Variants in SLC35E2B observed in about 807,000 individuals in gnomAD.
The protein encoded by SLC35E2B is solute carrier family 35, member E2B.
Under a neutral mutation model 32.4 loss-of-function variants are expected in SLC35E2B, and 18 were observed. The observed-to-expected ratio is 0.56, with a 90% confidence interval of 0.38 to 0.82. The LOEUF (loss-of-function observed/expected upper bound fraction) is 0.82, where lower values mean the gene tolerates loss of function less well. Ranked by LOEUF, SLC35E2B falls within the 40% of genes least tolerant of loss-of-function variation. The probability of loss-of-function intolerance (pLI) is 0.00; values close to 1 mark genes in which losing one functional copy is unlikely to be tolerated. For missense variants in SLC35E2B, 263 were observed against 469.5 expected (o/e 0.56, Z 4.06); for synonymous variants, 132 against 209.1 (o/e 0.63, Z 3.18).
rs149710826 is a variant in SLC35E2B at position 1,666,497 on chromosome 1, A to G, written c.981-478T>C. ...CACCTGGGCCTCCCACAGAGCTGGG[A>G]TCATAGGCGTGAGCCACCACACCCA... On this transcript the variant is annotated intron_variant, in intron 9 of 9. Coordinates refer to ENST00000617444, the MANE Select transcript of SLC35E2B (RefSeq NM_001290264.2). 1.1e-3 allele frequency among the ~76,000 whole-genome samples: 161 copies of G among 152,266 alleles called. 1 individual carries two copies. Among genetic ancestry groups the G allele is most frequent in the African/African-American group, 3.6e-3 (151 of 41,564 alleles).
chr1:1,663,585 C>A lies in SLC35E2B; in HGVS notation c.*2197G>T. The A allele has an allele frequency of 3.3e-6, 1 of 300,748 alleles. No individual in the cohort carries two copies. Among genetic ancestry groups the A allele is most frequent in the Non-Finnish European group, 4.9e-6 (1 of 203,260 alleles). The allele number at this position is 300,748 out of a possible 1,614,324, so 18.6% of individuals were successfully genotyped here. A position where few individuals can be genotyped will look rare whatever the true frequency, so the allele number is the denominator to read the frequency against. On this transcript the variant is annotated 3_prime_UTR_variant, in exon 10 of 10. Transcript: ENST00000617444. ...TCCGGGGTTCAAACAATTCTCCTGC[C>A]TCAGCCTCCTGAGTATCTGGGATTA...
rs1643428809 is a variant in SLC35E2B at position 1,662,420 on chromosome 1, G to A, written c.*3362C>T. On this transcript the variant is annotated 3_prime_UTR_variant, in exon 10 of 10. Transcript: ENST00000617444. ...CTGTTATTCCCACTGACCCGTCTGA[G>A]TGATCACCCAGGAGCGCGGCGGCAG... is the stretch of plus-strand genomic sequence containing the variant. The A allele has an allele frequency of 1.6e-5, 14 of 869,770 alleles. 1 individual carries two copies. The highest frequency in any genetic ancestry group is 1.9e-5 in the Non-Finnish European group (14 of 733,628). The allele number at this position is 869,770 out of a possible 1,614,324, so 53.9% of individuals were successfully genotyped here. A position where few individuals can be genotyped will look rare whatever the true frequency, so the allele number is the denominator to read the frequency against.
chr1:1,691,251 A>ACC lies in SLC35E2B; in HGVS notation c.-424_-423insGG, dbSNP rs1361188018. The stretch of plus-strand genomic sequence containing the variant: ...TCTCCACAGGACGCCCCACAGCCTG[A>ACC]CAGGAGCTTTCATCCAGCAAGCTCA... On this transcript the variant is annotated 5_prime_UTR_variant, in exon 2 of 10. An upstream open reading frame in the 5' UTR gains an earlier in-frame stop. Coordinates refer to ENST00000617444, the MANE Select transcript of SLC35E2B (RefSeq NM_001290264.2). 2 of 145,898 alleles carry ACC rather than the reference A, an allele frequency of 1.4e-5. No individual in the cohort carries two copies. Among genetic ancestry groups the ACC allele is most frequent in the African/African-American group, 5.1e-5 (2 of 39,046 alleles). The allele number at this position is 145,898 out of a possible 1,614,324, so 9.0% of individuals were successfully genotyped here. A position where few individuals can be genotyped will look rare whatever the true frequency, so the allele number is the denominator to read the frequency against.
rs573823858 is a variant in SLC35E2B, at chr1:1,688,983, AAC to A, written c.-148+1991_-148+1992del. On this transcript the variant is annotated intron_variant, in intron 2 of 9. Transcript: ENST00000617444. ...TCAGGAGATTGAGACCATCCTGGCT[AAC>A]ACAGTGAAACCCCGTCTCTACCAAA... Among the ~76,000 whole-genome samples, 825 of 152,088 alleles carry A rather than the reference AAC, an allele frequency of 5.4e-3. 15 individuals carry two copies. The highest frequency in any genetic ancestry group is 0.019 in the African/African-American group (800 of 41,450).
Position 1,680,123 on chromosome 1 carries a change from G to A in SLC35E2B, c.-147-3277C>T, listed in dbSNP as rs28405817. ...GCCTGGGCAACAAGAGTGAAACTCC[G>A]TCTCAAAAAAAAAAAATTTTTTTTT... On this transcript the variant is annotated intron_variant, in intron 2 of 9. Transcript: ENST00000617444. Among the ~76,000 whole-genome samples the A allele has an allele frequency of 1.2e-3, 176 of 150,922 alleles. 3 individuals carry two copies. The highest frequency in any genetic ancestry group is 3.5e-3 in the African/African-American group (144 of 41,052).
intron 2 of SLC35E2B, among the ~76,000 whole-genome samples, chr1:1,686,497 A>C (rs567292415): frequency 5.3e-5 from 8 of 151,998 alleles, no homozygotes; most frequent in African/African-American, 1.9e-4. Context: ...AAAATGAAAA[A>C]AAGAGGCTGG....
chr1:1,669,687 C>A lies in SLC35E2B; in HGVS notation c.811G>T (p.Val271Phe), dbSNP rs527702193. 54 of 1,531,292 alleles carry A rather than the reference C, an allele frequency of 3.5e-5. 2 individuals carry two copies. The highest frequency in any genetic ancestry group is 1.6e-4 in the Admixed American group (8 of 50,630). 94.9% of individuals were successfully genotyped at this position (1,531,292 alleles called of 1,614,324 possible). The change falls in exon 8 of 10, where the codon GTC becomes TTC. Residue 271 changes from valine to phenylalanine, a missense_variant. Val to Phe is a conservative substitution (Grantham distance 50). This residue lies in a region of SLC35E2B where 129 missense variants were observed against 164.5 expected (regional missense o/e 0.78). Transcript: ENST00000617444. ...ACCGTAAAGAAAACCCGGGCCGGGACGAGCATGGCCACCGCAGCGGCGCTG... is the reference window on the plus strand; with the variant it reads ...ACCGTAAAGAAAACCCGGGCCGGGAAGAGCATGGCCACCGCAGCGGCGCTG... ...YTSAAAVAML[V>F]PARVFFTDVP... is the part of the protein sequence containing the mutation.
At chr1:1,680,562 A>C (rs556671731) in intron 2 of SLC35E2B, among the ~76,000 whole-genome samples, 1 of 152,084 alleles carries the variant, frequency 6.6e-6, no homozygotes, top group Admixed American at 6.5e-5. Flanking sequence ...CGTCACACCG[A>C]CCTGTGCTCC....
rs532843946 is a variant in SLC35E2B, at chr1:1,666,139, G to A, written c.981-120C>T. The A allele has an allele frequency of 1.2e-4, 145 of 1,199,202 alleles. No homozygotes were observed. The African/African-American group carries it at 1.7e-3, about 14-fold the overall frequency. The allele number at this position is 1,199,202 out of a possible 1,614,324, so 74.3% of individuals were successfully genotyped here. On this transcript the variant is annotated intron_variant, in intron 9 of 9. Transcript: ENST00000617444. Reference sequence around the variant, plus strand: ...GTGGGGTTGGGGGACTCAGCGTCACGGTGACATCAGCCCTGCGGCCAGCAG... The same window carrying A: ...GTGGGGTTGGGGGACTCAGCGTCACAGTGACATCAGCCCTGCGGCCAGCAG...
At chr1:1,669,503 AC>A (rs1014583466) in intron 8 of SLC35E2B, among the ~76,000 whole-genome samples, 160 bp downstream of exon 8, 1 of 152,212 alleles carries the variant, frequency 6.6e-6, no homozygotes, top group African/African-American at 2.4e-5. Flanking sequence ...TGAGCTGCAA[AC>A]CCCGAGTGGC....
rs908980606 is a variant in SLC35E2B at position 1,679,672 on chromosome 1, CA to C, written c.-147-2827del. On this transcript the variant is annotated intron_variant, in intron 2 of 9. Transcript: ENST00000617444. ...CAAAACCCCGTCTCTACTAAAAGTA[CA>C]AAAAAAAAATCAGCCGGGTGTGGTG... Among the ~76,000 whole-genome samples the C allele has an allele frequency of 4.5e-4, 65 of 145,224 alleles. 1 individual carries two copies. Among genetic ancestry groups the C allele is most frequent in the African/African-American group, 7.6e-4 (30 of 39,466 alleles).
chr1:1,680,947 C>T (rs552347329), intron 2 of SLC35E2B, among the ~76,000 whole-genome samples: 4 of 151,894 alleles, frequency 2.6e-5, no homozygotes, highest in East Asian at 1.9e-4. Flanking sequence ...GGATTACAGG[C>T]GCCTGCCACC....
chr1:1,684,807 A>C (rs1643932162), intron 2 of SLC35E2B, among the ~76,000 whole-genome samples: 2 of 146,558 alleles, frequency 1.4e-5, no homozygotes, highest in South Asian at 2.2e-4. Flanking sequence ...AAAAAAAAAA[A>C]AAAAAAACAG....
In SLC35E2B at chr1:1,668,227, G is replaced by A; in HGVS notation, c.980+100C>T. 3 of 1,480,818 alleles carry A rather than the reference G, an allele frequency of 2.0e-6. No individual in the cohort carries two copies. In the South Asian group the frequency reaches 4.0e-5, roughly 20 times the overall value. 91.7% of individuals were successfully genotyped at this position (1,480,818 alleles called of 1,614,324 possible). A position where few individuals can be genotyped will look rare whatever the true frequency, so the allele number is the denominator to read the frequency against. On this transcript the variant is annotated intron_variant, in intron 9 of 9. Coordinates refer to ENST00000617444, the MANE Select transcript of SLC35E2B (RefSeq NM_001290264.2). ...CTGCATAGCCACACTCATCCCCGTGGAAGAGAATCACATGTGTCCCTTATA... is the reference window on the plus strand; with the variant it reads ...CTGCATAGCCACACTCATCCCCGTGAAAGAGAATCACATGTGTCCCTTATA...
At chr1:1,670,344 A>T in intron 6 of SLC35E2B, 193 bp from the exon 7 acceptor site, 1 of 523,380 alleles carries the variant, frequency 1.9e-6, no homozygotes, top group Non-Finnish European at 3.4e-6. Context: ...CTGGTCTCCA[A>T]CTCCTGACCT....
chr1:1,671,169 C>T, intron 6 of SLC35E2B: 1 of 169,766 alleles, frequency 5.9e-6, no homozygotes, highest in African/African-American at 2.4e-5. Flanking sequence ...CAGGCAGAAC[C>T]TGCCGCTGGG....
At chr1:1,667,049 G>A (rs1643566792) in intron 9 of SLC35E2B, among the ~76,000 whole-genome samples, 2 of 12,368 alleles carry the variant, frequency 1.6e-4, no homozygotes, top group South Asian at 1.1e-3. Context: ...AGGTTGCAGT[G>A]AGCCGAGATC....
chr1:1,678,941 C>T lies in SLC35E2B; in HGVS notation c.-147-2095G>A, dbSNP rs74859480. On this transcript the variant is annotated intron_variant, in intron 2 of 9. Transcript: ENST00000617444. The stretch of plus-strand genomic sequence containing the variant: ...GGTGAAAATCCAACAACAAAGGGTG[C>T]GGCAGAGCAAAAGGACAGAGCACTC... 5.6e-3 allele frequency among the ~76,000 whole-genome samples: 857 copies of T among 152,242 alleles called. 19 individuals are homozygous for T. The East Asian group carries it at 0.078, about 14-fold the overall frequency.
At chr1:1,671,856 T>C (rs1643702603) in intron 5 of SLC35E2B, 1 of 405,972 alleles carries the variant, frequency 2.5e-6, no homozygotes, top group Non-Finnish European at 4.4e-6. Flanking sequence ...CTACATGAGA[T>C]GCGTCCCCCA....
Sources: gnomAD v4.1 joint callset for allele counts (sites outside exome capture counted in the v4.1 genomes callset) on GRCh38, gnomAD v4.1.1 for gene constraint, gnomAD v4.1.1 regional missense constraint, MANE v1.5 for transcripts, NCBI Gene and HGNC (gene_info 2026-07-23, HGNC 2026-07-21) for gene names.